Variants in KRAS observed in about 807,000 individuals in gnomAD.
KRAS encodes GTPase KRas.
KRAS carries 1 observed loss-of-function variant against 21.0 expected under a neutral mutation model. The ratio of observed to expected loss-of-function variants is 0.05; its 90% CI spans 0.02 to 0.23. The LOEUF (loss-of-function observed/expected upper bound fraction) is 0.23, where lower values mean the gene tolerates loss of function less well. Ranked by LOEUF, KRAS falls within the 10% of genes least tolerant of loss-of-function variation. The probability of loss-of-function intolerance (pLI) is 1.00; values close to 1 mark genes in which losing one functional copy is unlikely to be tolerated. For synonymous variants in KRAS, 67 were observed against 72.5 expected (o/e 0.92, Z 0.39); for missense variants, 107 against 221.8 (o/e 0.48, Z 3.29).
At chr12:25,245,056 CAG>C (rs1951660796) in intron 2 of KRAS, among the ~76,000 whole-genome samples, 1 of 152,170 alleles carries the variant, frequency 6.6e-6, no homozygotes, top group South Asian at 2.1e-4. Context: ...TCAAAATGCA[CAG>C]AGAGTGAACA....
chr12:25,245,647 T>C (rs1041138313), intron 1 of KRAS, among the ~76,000 whole-genome samples: 1 of 152,218 alleles, frequency 6.6e-6, no homozygotes, highest in Non-Finnish European at 1.5e-5. Context: ...ACATAGACAG[T>C]TCTTTTATCT....
At position 25,208,859 on chromosome 12, in the gene KRAS, G is replaced by T; in HGVS notation, c.*936C>A. 1 of 241,650 alleles carries T rather than the reference G, an allele frequency of 4.1e-6. No individual in the cohort carries two copies. 15.0% of individuals were successfully genotyped at this position (241,650 alleles called of 1,614,324 possible). The stretch of plus-strand genomic sequence containing the variant: ...TAACTGGCCCAAATAATCTTTTAAT[G>T]TCACAAGCAGAATTAAAACTATCTT... On this transcript the variant is annotated 3_prime_UTR_variant, in exon 5 of 5. Coordinates refer to ENST00000311936, the MANE Select transcript of KRAS (RefSeq NM_004985.5).
chr12:25,241,310 C>T (rs1565890194), intron 2 of KRAS, among the ~76,000 whole-genome samples: 1 of 152,020 alleles, frequency 6.6e-6, no homozygotes, highest in Non-Finnish European at 1.5e-5. Flanking sequence ...ATTTAAACAG[C>T]GAAACTACAC....
At chr12:25,234,047 T>C (rs949987007) in intron 2 of KRAS, 11 of 185,514 alleles carry the variant, frequency 5.9e-5, no homozygotes, top group African/African-American at 2.6e-4. Flanking sequence ...TGTTTTAAAA[T>C]CTATGTTTCA....
At position 25,206,037 on chromosome 12, in the gene KRAS, C is replaced by CA. The variant is rs1157739553; in HGVS notation, c.*3757dup. On this transcript the variant is annotated 3_prime_UTR_variant, in exon 5 of 5. Coordinates refer to ENST00000311936, the MANE Select transcript of KRAS (RefSeq NM_004985.5). ...TTACTTTTTGACAAATGGAAATCTT[C>CA]AGATAGTTTTTGCTGTCTAAAAAAA... 5.3e-5 allele frequency: 11 copies of CA among 206,766 alleles called. No homozygotes were observed. In the Admixed American group the frequency reaches 6.5e-4, roughly 12 times the overall value. The allele number at this position is 206,766 out of a possible 1,614,324, so 12.8% of individuals were successfully genotyped here.
intron 4 of KRAS, 24 bp downstream of exon 4, chr12:25,225,590 T>A (rs369903823): frequency 5.6e-5 from 90 of 1,609,278 alleles, no homozygotes; most frequent in Admixed American, 1.5e-4. Flanking sequence ...AAAACAGATC[T>A]GTATTTATTT....
intron 4 of KRAS, among the ~76,000 whole-genome samples, chr12:25,220,209 A>G (rs1951303775): frequency 6.6e-6 from 1 of 152,230 alleles, no homozygotes; most frequent in Admixed American, 6.5e-5. Context: ...AGGGACCAGG[A>G]AAATCTGTCA....
intron 2 of KRAS, among the ~76,000 whole-genome samples, chr12:25,228,308 G>A (rs528841669): frequency 6.7e-6 from 1 of 149,732 alleles, no homozygotes; most frequent in Admixed American, 6.7e-5. Context: ...GAGCCACTGA[G>A]CTCCATCTGA....
intron 2 of KRAS, 64 bp from the exon 3 acceptor site, chr12:25,227,476 T>A (rs1343310570): frequency 6.8e-7 from 1 of 1,461,468 alleles, no homozygotes; most frequent in African/African-American, 1.4e-5. Context: ...AAAGGTGTTA[T>A]ATACAACTCA....
At chr12:25,214,107 G>A (rs1412002351) in intron 4 of KRAS, among the ~76,000 whole-genome samples, 1 of 152,164 alleles carries the variant, frequency 6.6e-6, no homozygotes, top group Non-Finnish European at 1.5e-5. Flanking sequence ...CTAGTCTAAG[G>A]GTTTAAAGAA....
Position 25,208,342 on chromosome 12 carries a change from ATAAG to A in KRAS, c.*1449_*1452del. ...GCCATCTCACTTCATTTATTTTAAA[ATAAG>A]TAACATTTTAAATTTATCAAAAGGA... On this transcript the variant is annotated 3_prime_UTR_variant, in exon 5 of 5. Coordinates refer to ENST00000311936, the MANE Select transcript of KRAS (RefSeq NM_004985.5). 4.3e-6 allele frequency: 1 copy of A among 233,182 alleles called. No homozygotes were observed. The highest frequency in any genetic ancestry group is 6.1e-5 in the East Asian group (1 of 16,436). The allele number at this position is 233,182 out of a possible 1,614,324, so 14.4% of individuals were successfully genotyped here.
chr12:25,249,865 A>G lies in KRAS; in HGVS notation c.-12+886T>C, dbSNP rs61759621. The stretch of plus-strand genomic sequence containing the variant: ...TTGCTATTGCTGTCTACACTCAACT[A>G]GCAAGGAAAAAGCCTTGCTTCTGCT... On this transcript the variant is annotated intron_variant, in intron 1 of 4. Transcript: ENST00000311936. Among the ~76,000 whole-genome samples, 882 of 152,350 alleles carry G rather than the reference A, an allele frequency of 5.8e-3. 5 individuals are homozygous for G. Among genetic ancestry groups the G allele is most frequent in the Non-Finnish European group, 9.0e-3 (614 of 68,036 alleles).
At chr12:25,244,770 A>T (rs966458972) in intron 2 of KRAS, among the ~76,000 whole-genome samples, 3 of 152,170 alleles carry the variant, frequency 2.0e-5, no homozygotes, top group African/African-American at 7.2e-5. Flanking sequence ...TATATAAACC[A>T]CACCTTAGGC....
At position 25,250,778 on chromosome 12, in the gene KRAS, G is replaced by T; in HGVS notation, c.-39C>A. 4.8e-6 allele frequency: 1 copy of T among 206,308 alleles called. No individual in the cohort carries two copies. The highest frequency in any genetic ancestry group is 9.8e-6 in the Non-Finnish European group (1 of 101,538). 12.8% of individuals were successfully genotyped at this position (206,308 alleles called of 1,614,324 possible). On this transcript the variant is annotated 5_prime_UTR_variant, in exon 1 of 5. Coordinates refer to ENST00000311936, the MANE Select transcript of KRAS (RefSeq NM_004985.5). ...CTCTCCCGCACCTGGGAGCCGCTGA[G>T]CCTCTGGCCCCGCCGCCGCCTTCAG...
At chr12:25,235,201 A>G (rs1283704147) in intron 2 of KRAS, 1 of 550,320 alleles carries the variant, frequency 1.8e-6, no homozygotes. Context: ...TATTGTAAGG[A>G]CTTTTTACAT....
rs779282636 is a variant in KRAS at position 25,245,425 on chromosome 12, A to G, written c.-11-30T>C. 7.0e-6 allele frequency: 11 copies of G among 1,561,408 alleles called. No individual in the cohort carries two copies. In the East Asian group the frequency reaches 1.9e-4, roughly 27 times the overall value. On this transcript the variant is annotated intron_variant, in intron 1 of 4. Transcript: ENST00000311936. ...TAATAAAAATAATGAAAATGTGACTATATTAGAACATGTCACACATAAGGT... is the reference window on the plus strand; with the variant it reads ...TAATAAAAATAATGAAAATGTGACTGTATTAGAACATGTCACACATAAGGT...
In KRAS at chr12:25,206,667, C is replaced by T. The variant is rs531330056; in HGVS notation, c.*3128G>A. On this transcript the variant is annotated 3_prime_UTR_variant, in exon 5 of 5. Transcript: ENST00000311936. ...ACGAGGTACTGTGTAAGTCTTAACA[C>T]CCTACCTAAACAGTGTTCCAAAGAT... 8 of 201,092 alleles carry T rather than the reference C, an allele frequency of 4.0e-5. No homozygotes were observed. The Admixed American group carries it at 4.8e-4, about 12-fold the overall frequency. 12.5% of individuals were successfully genotyped at this position (201,092 alleles called of 1,614,324 possible). A position where few individuals can be genotyped will look rare whatever the true frequency, so the allele number is the denominator to read the frequency against.
chr12:25,244,131 A>G (rs1269699595), intron 2 of KRAS, among the ~76,000 whole-genome samples: 1 of 152,218 alleles, frequency 6.6e-6, no homozygotes, highest in East Asian at 1.9e-4. Context: ...GCCTCAGCGC[A>G]AAGTGTCTCT....
At chr12:25,246,195 AC>A (rs1196600182) in intron 1 of KRAS, among the ~76,000 whole-genome samples, 2 of 151,376 alleles carry the variant, frequency 1.3e-5, no homozygotes, top group Non-Finnish European at 2.9e-5. Flanking sequence ...AAAGCTAAAA[AC>A]CAAGAGAACT....
Sources: gnomAD v4.1 joint callset for allele counts (sites outside exome capture counted in the v4.1 genomes callset) on GRCh38, gnomAD v4.1.1 for gene constraint, MANE v1.5 for transcripts, NCBI Gene and HGNC (gene_info 2026-07-23, HGNC 2026-07-21) for gene names.